The following DPP10 variants were observed in gnomAD, a reference collection of about 807,000 sequenced individuals.
DPP10 encodes the protein inactive dipeptidyl peptidase 10.
DPP10 carries 33 observed loss-of-function variants against 120.9 expected under a neutral mutation model. The ratio of observed to expected loss-of-function variants is 0.27; its 90% CI spans 0.21 to 0.37. The LOEUF (loss-of-function observed/expected upper bound fraction) is 0.37, where lower values mean the gene tolerates loss of function less well. Among genes scored for constraint, DPP10 ranks in the 10% least tolerant of loss-of-function variants. The pLI, the probability that DPP10 is intolerant of heterozygous loss-of-function variation, is 1.00. For synonymous variants in DPP10, 337 were observed against 326.1 expected, an observed-to-expected ratio of 1.03 and a Z score of -0.36; for missense variants, 816 against 942.8, an observed-to-expected ratio of 0.87 and a Z score of 1.76.
intron 3 of DPP10, among the ~76,000 whole-genome samples, chr2:115,345,771 AT>A (rs2063683101): frequency 6.6e-6 from 1 of 152,198 alleles, no homozygotes. Flanking sequence ...AAATTAAAAC[AT>A]ATTTCAATAT....
At chr2:115,287,966 G>A (rs1417121782) in intron 1 of DPP10, among the ~76,000 whole-genome samples, 1 of 152,058 alleles carries the variant, frequency 6.6e-6, no homozygotes, top group Non-Finnish European at 1.5e-5. Context: ...TGTGAATTAG[G>A]CTGTGATAAA....
intron 1 of DPP10, among the ~76,000 whole-genome samples, chr2:115,288,035 G>T (rs1314050713): frequency 6.6e-6 from 1 of 151,976 alleles, no homozygotes; most frequent in Non-Finnish European, 1.5e-5. Flanking sequence ...GTAGATATTT[G>T]GTAGTGAGAT....
intron 5 of DPP10, among the ~76,000 whole-genome samples, chr2:115,606,272 C>A (rs138591251): frequency 1.7e-4 from 26 of 152,218 alleles, no homozygotes; most frequent in African/African-American, 5.8e-4. Context: ...CAAACTCAAG[C>A]ATTAGACCTT....
chr2:114,622,501 G>A (rs900324535), intron 1 of DPP10, among the ~76,000 whole-genome samples: 9 of 151,180 alleles, frequency 6.0e-5, no homozygotes, highest in South Asian at 4.2e-4. Flanking sequence ...CACAGAATCC[G>A]TTGCTTTTTT....
At chr2:115,094,625 G>C (rs965243967) in intron 1 of DPP10, among the ~76,000 whole-genome samples, 17 of 152,100 alleles carry the variant, frequency 1.1e-4, no homozygotes, top group Non-Finnish European at 2.1e-4. Flanking sequence ...TTTTGAAACA[G>C]TAGCTCCATG....
intron 1 of DPP10, among the ~76,000 whole-genome samples, chr2:114,549,770 C>A (rs1382951516): frequency 6.6e-6 from 1 of 151,456 alleles, no homozygotes; most frequent in African/African-American, 2.4e-5. Context: ...TTGGAGACAG[C>A]TGGACTCACA....
intron 1 of DPP10, among the ~76,000 whole-genome samples, chr2:115,154,869 A>T (rs2051796742): frequency 6.6e-6 from 1 of 151,938 alleles, no homozygotes; most frequent in South Asian, 2.1e-4. Context: ...GGTTGGTGTA[A>T]AAAAATTGCG....
At chr2:114,797,486 C>G (rs1354596862) in intron 1 of DPP10, among the ~76,000 whole-genome samples, 1 of 152,068 alleles carries the variant, frequency 6.6e-6, no homozygotes. Context: ...GGAGCATTAA[C>G]AAGAATATCT....
Position 115,289,506 on chromosome 2 carries a change from G to GAGGAAAAGAA in DPP10, c.61-19732_61-19731insGGAAAAGAAA, listed in dbSNP as rs1553539673. Among the ~76,000 whole-genome samples, 1,076 of 114,384 alleles carry GAGGAAAAGAA rather than the reference G, an allele frequency of 9.4e-3. 21 individuals are homozygous for GAGGAAAAGAA. Among genetic ancestry groups the GAGGAAAAGAA allele is most frequent in the African/African-American group, 0.035 (1,040 of 29,724 alleles). 75.0% of individuals were successfully genotyped at this position (114,384 alleles called of 152,430 possible). ...AAACCAAAAAAAAAAAAAAAAAAAGGAAGAAAAGAAAAGAAAAAAGAGCCT... is the reference window on the plus strand; with the variant it reads ...AAACCAAAAAAAAAAAAAAAAAAAGGAGGAAAAGAAAAGAAAAGAAAAGAAAAAAGAGCCT... On this transcript the variant is annotated intron_variant, in intron 1 of 25. Transcript: ENST00000410059.
chr2:114,486,377 A>C (rs112041713), intron 1 of DPP10, among the ~76,000 whole-genome samples: 66 of 152,322 alleles, frequency 4.3e-4, no homozygotes, highest in African/African-American at 1.5e-3. Flanking sequence ...TTAAATAGAT[A>C]TTAAATATTG....
At chr2:115,288,547 A>C (rs893593273) in intron 1 of DPP10, among the ~76,000 whole-genome samples, 6 of 151,870 alleles carry the variant, frequency 4.0e-5, no homozygotes, top group Non-Finnish European at 8.8e-5. Flanking sequence ...GTGAAACGCT[A>C]TCTCTATTTA....
intron 1 of DPP10, among the ~76,000 whole-genome samples, chr2:115,243,640 A>G (rs906653426): frequency 6.6e-6 from 1 of 152,156 alleles, no homozygotes; most frequent in Admixed American, 6.6e-5. Flanking sequence ...AAAACAATTT[A>G]TATAAATTAA....
intron 1 of DPP10, among the ~76,000 whole-genome samples, chr2:115,043,113 C>A (rs989789751): frequency 6.6e-6 from 1 of 152,130 alleles, no homozygotes; most frequent in African/African-American, 2.4e-5. Flanking sequence ...TAAAACAATT[C>A]ATTTAAGGAA....
chr2:114,907,250 G>A (rs1268934764), intron 1 of DPP10, among the ~76,000 whole-genome samples: 1 of 151,718 alleles, frequency 6.6e-6, no homozygotes, highest in Non-Finnish European at 1.5e-5. Flanking sequence ...TCTTTTCAGA[G>A]AACCAAATTA....
Position 115,004,536 on chromosome 2 carries a change from C to T in DPP10, c.61-304703C>T, listed in dbSNP as rs574406554. On this transcript the variant is annotated intron_variant, in intron 1 of 25. Transcript: ENST00000410059. ...GCACCGTGCGCGAGCCAAAGCAGGGCGAGGCATTGCCTCACTCGGGAAGCG... is the reference window on the plus strand; with the variant it reads ...GCACCGTGCGCGAGCCAAAGCAGGGTGAGGCATTGCCTCACTCGGGAAGCG... 1.0e-2 allele frequency among the ~76,000 whole-genome samples: 1,522 copies of T among 152,236 alleles called. 18 individuals are homozygous for T. The highest frequency in any genetic ancestry group is 0.034 in the African/African-American group (1,426 of 41,534).
intron 3 of DPP10, among the ~76,000 whole-genome samples, chr2:115,384,402 GAGAAGGAGA>G (rs1317728369): frequency 1.8e-5 from 2 of 111,506 alleles, no homozygotes; most frequent in Admixed American, 9.6e-5. Context: ...GCAGAAGAAG[GAGAAGGAGA>G]AGAAGAAGAA....
chr2:114,513,880 C>T (rs559519456), intron 1 of DPP10, among the ~76,000 whole-genome samples: 2 of 152,262 alleles, frequency 1.3e-5, no homozygotes, highest in Admixed American at 1.3e-4. Flanking sequence ...GAATATCTGG[C>T]GCAGTGTTTT....
intron 3 of DPP10, among the ~76,000 whole-genome samples, chr2:115,404,139 C>G (rs1477152442): frequency 2.0e-5 from 3 of 152,060 alleles, no homozygotes; most frequent in African/African-American, 7.2e-5. Flanking sequence ...CTTCTACAGG[C>G]TGTACGTAAA....
chr2:114,566,692 G>A (rs1384532781), intron 1 of DPP10, among the ~76,000 whole-genome samples: 1 of 152,136 alleles, frequency 6.6e-6, no homozygotes. Context: ...ATACTTGTTA[G>A]GCCACCAAGT....
Sources: gnomAD v4.1 joint callset for allele counts (sites outside exome capture counted in the v4.1 genomes callset) on GRCh38, gnomAD v4.1.1 for gene constraint, MANE v1.5 for transcripts, NCBI Gene and HGNC (gene_info 2026-07-23, HGNC 2026-07-21) for gene names.